Variants in INSC observed in about 807,000 individuals in gnomAD.
The protein encoded by INSC is protein inscuteable homolog.
Under a neutral mutation model 58.6 loss-of-function variants are expected in INSC, and 67 were observed. The ratio of observed to expected loss-of-function variants is 1.14; its 90% CI spans 0.94 to 1.40. The LOEUF is 1.40. Among genes scored for constraint, INSC ranks in the 40% most tolerant of loss-of-function variants. The pLI is 0.00. For synonymous variants in INSC, 262 were observed against 276.1 expected, an observed-to-expected ratio of 0.95 and a Z score of 0.51; for missense variants, 714 against 692.0, an observed-to-expected ratio of 1.03 and a Z score of -0.36.
intron 2 of INSC, among the ~76,000 whole-genome samples, chr11:15,164,566 T>C (rs1021711806): frequency 1.2e-4 from 19 of 152,304 alleles, no homozygotes; most frequent in African/African-American, 4.3e-4. Context: ...CTCAGCTATA[T>C]TGGAAAGGCA....
At chr11:15,137,172 C>A (rs1367559347) in intron 1 of INSC, among the ~76,000 whole-genome samples, 1 of 152,040 alleles carries the variant, frequency 6.6e-6, no homozygotes, top group African/African-American at 2.4e-5. Context: ...TAGCAGTGAG[C>A]TTAAAATACT....
chr11:15,113,143 T>TTCTTTCTC, upstream of INSC, among the ~76,000 whole-genome samples: 47 of 98,660 alleles, frequency 4.8e-4, no homozygotes, highest in African/African-American at 1.1e-3. Context: ...CTTTCTTTCT[T>TTCTTTCTC]TCTGTCTCTC....
intron 1 of INSC, among the ~76,000 whole-genome samples, chr11:15,145,066 T>C (rs1443286058): frequency 2.6e-5 from 4 of 152,216 alleles, no homozygotes; most frequent in African/African-American, 7.2e-5. Flanking sequence ...TGTGTCCTTT[T>C]CACCTCTCTT....
intron 5 of INSC, among the ~76,000 whole-genome samples, chr11:15,183,387 T>A (rs1219013894): frequency 2.0e-5 from 3 of 151,110 alleles, no homozygotes; most frequent in Non-Finnish European, 4.4e-5. Context: ...AAAAATAAAT[T>A]GTGTATTTTT....
the INSC span, among the ~76,000 whole-genome samples, chr11:15,268,896 G>C: frequency 2.0e-5 from 3 of 152,052 alleles, no homozygotes; most frequent in South Asian, 6.2e-4. Flanking sequence ...TTAGTTTCTT[G>C]AAAAAATGCT....
chr11:15,151,472 G>A (rs1848648137), intron 2 of INSC, among the ~76,000 whole-genome samples: 1 of 152,152 alleles, frequency 6.6e-6, no homozygotes. Context: ...CCTCCCTGGG[G>A]GGTGGTCAAA....
chr11:15,180,758 T>C (rs1260067512), intron 5 of INSC, among the ~76,000 whole-genome samples: 1 of 151,528 alleles, frequency 6.6e-6, no homozygotes, highest in Non-Finnish European at 1.5e-5. Context: ...TTCTTCCTGA[T>C]AACCCCCATT....
intron 2 of INSC, among the ~76,000 whole-genome samples, chr11:15,163,970 T>G (rs1311611208): frequency 6.6e-6 from 1 of 152,214 alleles, no homozygotes; most frequent in Non-Finnish European, 1.5e-5. Flanking sequence ...TCTTATGTGT[T>G]TCTTCTTGTT....
At chr11:15,178,228 C>T (rs1590404418) in intron 4 of INSC, 96 bp from the exon 5 acceptor site, 3 of 1,515,460 alleles carry the variant, frequency 2.0e-6, no homozygotes, top group Non-Finnish European at 2.7e-6. Flanking sequence ...TCAGCACACA[C>T]CAGGCTTGTA....
intron 7 of INSC, among the ~76,000 whole-genome samples, chr11:15,209,624 A>G (rs1248476968): frequency 6.6e-6 from 1 of 152,118 alleles, no homozygotes; most frequent in Non-Finnish European, 1.5e-5. Flanking sequence ...TATCTCACCC[A>G]CTTCTTTAGT....
chr11:15,113,117 C>CTT (rs1412907770), upstream of INSC, among the ~76,000 whole-genome samples: 51 of 127,274 alleles, frequency 4.0e-4, no homozygotes, highest in South Asian at 5.9e-4. Flanking sequence ...TTTTCTCTCT[C>CTT]TCTCTTTCTT....
intron 9 of INSC, among the ~76,000 whole-genome samples, chr11:15,232,260 G>A (rs1051715671): frequency 4.6e-5 from 7 of 152,162 alleles, no homozygotes; most frequent in African/African-American, 1.7e-4. Flanking sequence ...TCAGCCCCCC[G>A]AGTGCTGCAG....
chr11:15,219,934 C>T (rs1851374256), intron 7 of INSC, among the ~76,000 whole-genome samples: 1 of 152,192 alleles, frequency 6.6e-6, no homozygotes, highest in Non-Finnish European at 1.5e-5. Context: ...AGTTAAACAC[C>T]TGGCATGAGT....
chr11:15,116,876 TCCCCCTCCCTCCCTCCCTCC>T (rs1847726504), intron 1 of INSC, among the ~76,000 whole-genome samples: 1 of 20,348 alleles, frequency 4.9e-5, no homozygotes, highest in African/African-American at 2.2e-4. Context: ...TCTCTCTCTC[TCCCCCTCCCTCCCTCCCTCC>T]CTCCCTCCCT....
At chr11:15,113,919 C>T (rs1847632240), upstream of INSC, among the ~76,000 whole-genome samples, 1 of 152,014 alleles carries the variant, frequency 6.6e-6, no homozygotes, top group Non-Finnish European at 1.5e-5. Context: ...AGCTCCTTCT[C>T]CCTGAATACA....
chr11:15,125,477 A>G (rs1023925932), intron 1 of INSC, among the ~76,000 whole-genome samples: 1 of 152,240 alleles, frequency 6.6e-6, no homozygotes, highest in Non-Finnish European at 1.5e-5. Flanking sequence ...GAAATGAATT[A>G]GGAGCCTATT....
chr11:15,209,864 G>A (rs1377111567), intron 7 of INSC, among the ~76,000 whole-genome samples: 1 of 152,140 alleles, frequency 6.6e-6, no homozygotes, highest in African/African-American at 2.4e-5. Flanking sequence ...GCTGTGATCA[G>A]TTTCAGACCC....
intron 7 of INSC, among the ~76,000 whole-genome samples, chr11:15,220,995 C>T (rs1235018625): frequency 6.6e-6 from 1 of 152,182 alleles, no homozygotes; most frequent in Non-Finnish European, 1.5e-5. Context: ...CTGAGCATCT[C>T]TTCTAGATCA....
chr11:15,145,599 G>A (rs1419980669), intron 1 of INSC, among the ~76,000 whole-genome samples: 1 of 152,126 alleles, frequency 6.6e-6, no homozygotes, highest in Admixed American at 6.5e-5. Flanking sequence ...CTTTAACTGG[G>A]ACTATGATCT....
Sources: allele counts gnomAD v4.1 joint callset (sites outside exome capture counted in the v4.1 genomes callset), GRCh38; gene constraint gnomAD v4.1.1; transcripts MANE v1.5; gene names NCBI Gene and HGNC (gene_info 2026-07-23, HGNC 2026-07-21).